XKR4: variants seen among roughly 807,000 people sequenced by gnomAD.
XKR4 encodes XK related 4, also known as XK-related protein 4.
Under a neutral mutation model 53.9 loss-of-function variants are expected in XKR4, and 12 were observed. The observed-to-expected ratio is 0.22, with a 90% CI of 0.14 to 0.36. The LOEUF is 0.36. Among genes scored for constraint, XKR4 ranks in the 10% least tolerant of loss-of-function variants. The pLI is 1.00. For synonymous variants in XKR4, 354 were observed against 362.4 expected, an observed-to-expected ratio of 0.98 and a Z score of 0.26; for missense variants, 799 against 859.5, an observed-to-expected ratio of 0.93 and a Z score of 0.88.
chr8:55,106,074 A>C (rs1816142774), intron 1 of XKR4, among the ~76,000 whole-genome samples: 1 of 152,222 alleles, frequency 6.6e-6, no homozygotes, highest in Non-Finnish European at 1.5e-5. Context: ...TTCAAAGCAC[A>C]GAGGTCATTA....
intron 1 of XKR4, among the ~76,000 whole-genome samples, chr8:55,126,746 C>A (rs879388112): frequency 5.3e-5 from 8 of 152,320 alleles, no homozygotes; most frequent in Non-Finnish European, 1.0e-4. Context: ...CTACTGGAAT[C>A]CCATAAAATG....
At chr8:55,398,344 T>A (rs138574980) in intron 2 of XKR4, among the ~76,000 whole-genome samples, 1 of 151,040 alleles carries the variant, frequency 6.6e-6, no homozygotes, top group East Asian at 1.9e-4. Flanking sequence ...AATGAGGGAG[T>A]CATCGGAAGT....
In XKR4 at chr8:55,362,617, C is replaced by T. The variant is rs117843339; in HGVS notation, c.1006+4740C>T. Among the ~76,000 whole-genome samples the T allele has an allele frequency of 7.3e-3, 1,119 of 152,262 alleles. 11 individuals are homozygous for T. The highest frequency in any genetic ancestry group is 0.01 in the Non-Finnish European group (686 of 68,006). ...CAGACCTCCATGTCTGTCTAAATGACGCCAGCAAAGGTAGAAGGTTCATGG... is the reference window on the plus strand; with the variant it reads ...CAGACCTCCATGTCTGTCTAAATGATGCCAGCAAAGGTAGAAGGTTCATGG... On this transcript the variant is annotated intron_variant, in intron 2 of 2. Transcript: ENST00000327381.
At chr8:55,331,320 T>G (rs1018260244) in intron 1 of XKR4, among the ~76,000 whole-genome samples, 3 of 152,248 alleles carry the variant, frequency 2.0e-5, no homozygotes, top group Admixed American at 2.0e-4. Context: ...AAAAGATGCT[T>G]TGTATAATTT....
chr8:55,350,738 C>CTTTT (rs1028164969), intron 1 of XKR4, among the ~76,000 whole-genome samples: 36 of 122,418 alleles, frequency 2.9e-4, no homozygotes, highest in Non-Finnish European at 4.5e-4. Flanking sequence ...TTTTTCTTTT[C>CTTTT]TTTTTTTTTT....
chr8:55,333,935 G>A (rs886334086), intron 1 of XKR4, among the ~76,000 whole-genome samples: 2 of 152,096 alleles, frequency 1.3e-5, no homozygotes, highest in Admixed American at 6.5e-5. Context: ...TGAGGAGATT[G>A]GTTGCTGTAT....
intron 2 of XKR4, chr8:55,454,016 A>T (rs1200219319): frequency 1.1e-6 from 1 of 884,524 alleles, no homozygotes; most frequent in Non-Finnish European, 1.8e-6. Flanking sequence ...GTGAATGCAC[A>T]CGACGTGCAG....
intron 1 of XKR4, among the ~76,000 whole-genome samples, chr8:55,174,152 A>G (rs1405661045): frequency 2.8e-4 from 42 of 152,224 alleles, no homozygotes. Flanking sequence ...ATCATTTAAA[A>G]AAAAAGAATG....
At chr8:55,480,860 C>A (rs985795860) in intron 2 of XKR4, among the ~76,000 whole-genome samples, 1 of 151,660 alleles carries the variant, frequency 6.6e-6, no homozygotes, top group African/African-American at 2.4e-5. Flanking sequence ...AGGACCTCTT[C>A]AAGGAGAACT....
chr8:55,445,899 C>G (rs942628442), intron 2 of XKR4, among the ~76,000 whole-genome samples: 34 of 152,342 alleles, frequency 2.2e-4, no homozygotes, highest in African/African-American at 7.9e-4. Context: ...GCCATGCTGT[C>G]AGCAATGCCA....
At position 55,534,590 on chromosome 8, in the gene XKR4, T is replaced by C. The variant is rs1357140623; in HGVS notation, c.*10363T>C. 6.6e-6 allele frequency: 1 copy of C among 151,768 alleles called. No individual in the cohort carries two copies. The highest frequency in any genetic ancestry group is 2.4e-5 in the African/African-American group (1 of 41,284). 9.4% of individuals were successfully genotyped at this position (151,768 alleles called of 1,614,324 possible). A position where few individuals can be genotyped will look rare whatever the true frequency, so the allele number is the denominator to read the frequency against. ...TGGGGTTTCACCGTGTTAGCCAGAA[T>C]GGTCTCGATCTCCTGACCTCGTGAT... On this transcript the variant is annotated 3_prime_UTR_variant, in exon 3 of 3. Transcript: ENST00000327381.
intron 2 of XKR4, among the ~76,000 whole-genome samples, chr8:55,437,614 C>A (rs1473881218): frequency 6.6e-6 from 1 of 152,186 alleles, no homozygotes; most frequent in Non-Finnish European, 1.5e-5. Flanking sequence ...AGCAAACACT[C>A]ATTGAGTGCT....
chr8:55,169,679 C>T (rs1305603775), intron 1 of XKR4, among the ~76,000 whole-genome samples: 1 of 152,190 alleles, frequency 6.6e-6, no homozygotes, highest in Non-Finnish European at 1.5e-5. Flanking sequence ...ATTTTTTCCC[C>T]ACGTTCCATC....
intron 1 of XKR4, among the ~76,000 whole-genome samples, chr8:55,350,190 C>T (rs1301362515): frequency 6.6e-6 from 1 of 152,192 alleles, no homozygotes; most frequent in Non-Finnish European, 1.5e-5. Context: ...TAACACAATG[C>T]TGTATATCCT....
chr8:55,454,436 T>G, intron 2 of XKR4: 1 of 1,207,996 alleles, frequency 8.3e-7, no homozygotes, highest in Non-Finnish European at 1.2e-6. Flanking sequence ...GGTGAGCTGC[T>G]GGTAGCTCCG....
Position 55,220,337 on chromosome 8 carries a change from A to G in XKR4, c.806+117043A>G, listed in dbSNP as rs6983080. Among the ~76,000 whole-genome samples the G allele has an allele frequency of 8.7e-3, 1,324 of 152,366 alleles. 14 individuals carry two copies. Among genetic ancestry groups the G allele is most frequent in the Middle Eastern group, 0.031 (9 of 294 alleles). On this transcript the variant is annotated intron_variant, in intron 1 of 2. Coordinates refer to ENST00000327381, the MANE Select transcript of XKR4 (RefSeq NM_052898.2). Reference sequence around the variant, plus strand: ...GAATGTAAATGCTCTGAAAATGGGCAATTATATTCCACAAGGGAAAGGAAG... The same window carrying G: ...GAATGTAAATGCTCTGAAAATGGGCGATTATATTCCACAAGGGAAAGGAAG...
chr8:55,114,705 G>C (rs1359762878), intron 1 of XKR4, among the ~76,000 whole-genome samples: 1 of 152,162 alleles, frequency 6.6e-6, no homozygotes, highest in African/African-American at 2.4e-5. Flanking sequence ...ACTGAGGGGA[G>C]GGCAGAGAGC....
rs560591004 is a variant in XKR4, at chr8:55,357,210, A to G, written c.807-468A>G. Among the ~76,000 whole-genome samples the G allele has an allele frequency of 5.3e-5, 8 of 152,270 alleles. No individual in the cohort carries two copies. The South Asian group carries it at 1.5e-3, about 28-fold the overall frequency. ...TTACTTTATTTTTTTCTCCTTTTGTATATGTTGGGAATTTGCAATAATAAA... is the reference window on the plus strand; with the variant it reads ...TTACTTTATTTTTTTCTCCTTTTGTGTATGTTGGGAATTTGCAATAATAAA... On this transcript the variant is annotated intron_variant, in intron 1 of 2. Coordinates refer to ENST00000327381, the MANE Select transcript of XKR4 (RefSeq NM_052898.2).
chr8:55,150,904 C>A (rs1242155524), intron 1 of XKR4, among the ~76,000 whole-genome samples: 1 of 152,158 alleles, frequency 6.6e-6, no homozygotes, highest in Non-Finnish European at 1.5e-5. Flanking sequence ...CATTTGTCTA[C>A]ATTTATGTCA....
Sources: allele counts gnomAD v4.1 joint callset (sites outside exome capture counted in the v4.1 genomes callset), GRCh38; gene constraint gnomAD v4.1.1; transcripts MANE v1.5; gene names NCBI Gene and HGNC (gene_info 2026-07-23, HGNC 2026-07-21).